FGF8: variants seen among roughly 807,000 people sequenced by gnomAD.
FGF8 encodes androgen-induced growth factor.
Under a neutral mutation model 29.7 loss-of-function variants are expected in FGF8, and 12 were observed. That is an observed-to-expected ratio of 0.40 (90% CI 0.26 to 0.65). FGF8 has a LOEUF of 0.65. Among genes scored for constraint, FGF8 ranks in the 30% least tolerant of loss-of-function variants. The pLI is 0.37. For missense variants in FGF8, 271 were observed against 345.1 expected (o/e 0.79, Z 1.70); for synonymous variants, 157 against 144.4 (o/e 1.09, Z -0.63).
rs776144287 is a variant in FGF8, at chr10:101,770,323, C to A, written c.*6G>T. On this transcript the variant is annotated 3_prime_UTR_variant, in exon 6 of 6. Transcript: ENST00000320185. ...GTCTGGCATTGTGGGGAGGGCCAGG[C>A]AGCACCTATCGGGGCTCGGGGGCCC... 1.3e-6 allele frequency: 2 copies of A among 1,585,976 alleles called. No homozygotes were observed. Among genetic ancestry groups the A allele is most frequent in the Non-Finnish European group, 8.6e-7 (1 of 1,167,106 alleles).
upstream of FGF8, chr10:101,776,178 C>A (rs1589814862): frequency 1.8e-5 from 1 of 55,748 alleles, no homozygotes; most frequent in African/African-American, 7.0e-5. Flanking sequence ...GGTGGGAGGG[C>A]GGGGAGGGGT....
In FGF8 at chr10:101,775,848, G is replaced by GGGGGGGGGGGGGGGGGC; in HGVS notation, c.32+20_32+21insGCCCCCCCCCCCCCCCC. On this transcript the variant is annotated intron_variant, in intron 1 of 5. Coordinates refer to ENST00000320185, the MANE Select transcript of FGF8 (RefSeq NM_033163.5). This position sits in a 1 kb window ranked among gnomAD's most constrained non-coding sequence, Gnocchi z 4.6. ...AGGGGCGCGGGGGGCGGGTGGCGGG[G>GGGGGGGGGGGGGGGGGC]CAGGGCGGCGCGGTACTCACAGGCA... 8.2e-7 allele frequency: 1 copy of GGGGGGGGGGGGGGGGGC among 1,218,724 alleles called. No homozygotes were observed. Among genetic ancestry groups the GGGGGGGGGGGGGGGGGC allele is most frequent in the Non-Finnish European group, 1.1e-6 (1 of 872,002 alleles). 75.5% of individuals were successfully genotyped at this position (1,218,724 alleles called of 1,614,324 possible).
At chr10:101,778,979 C>T (rs1052434536), upstream of FGF8, among the ~76,000 whole-genome samples, 1 of 152,154 alleles carries the variant, frequency 6.6e-6, no homozygotes, top group African/African-American at 2.4e-5. Context: ...CTTTCCTGGC[C>T]GCCCCCACAC....
Position 101,775,848 on chromosome 10 carries a change from G to GGC in FGF8, c.32+20_32+21insGC. The GGC allele has an allele frequency of 8.2e-7, 1 of 1,218,736 alleles. No individual in the cohort carries two copies. Among genetic ancestry groups the GGC allele is most frequent in the Admixed American group, 2.2e-5 (1 of 46,306 alleles). 75.5% of individuals were successfully genotyped at this position (1,218,736 alleles called of 1,614,324 possible). On this transcript the variant is annotated intron_variant, in intron 1 of 5. Coordinates refer to ENST00000320185, the MANE Select transcript of FGF8 (RefSeq NM_033163.5). This position sits in a 1 kb window ranked among gnomAD's most constrained non-coding sequence, Gnocchi z 4.6. ...AGGGGCGCGGGGGGCGGGTGGCGGG[G>GGC]CAGGGCGGCGCGGTACTCACAGGCA...
Position 101,775,769 on chromosome 10 carries a change from G to T in FGF8, c.40C>A (p.His14Asn), listed in dbSNP as rs137852659. 2.6e-6 allele frequency: 4 copies of T among 1,545,494 alleles called. No homozygotes were observed. Among genetic ancestry groups the T allele is most frequent in the Non-Finnish European group, 2.6e-6 (3 of 1,146,008 alleles). ...PRSALSCLLL[H>N]LLVLCLQAQE... is the part of the protein sequence containing the mutation. ...GCTTGGAGGCAGAGGACCAGCAAGT[G>T]CAACAGCCTGTGGGAGACAAAAGCG... Residue 14 changes from histidine (H) to asparagine (N), a missense_variant, in exon 2 of 6, where the codon CAC becomes AAC. Coordinates refer to ENST00000320185, the MANE Select transcript of FGF8 (RefSeq NM_033163.5). The surrounding 1 kb of genome is among the most constrained non-coding windows in gnomAD (Gnocchi z 4.6).
chr10:101,776,383 G>C (rs1193196788), upstream of FGF8, among the ~76,000 whole-genome samples: 1 of 151,096 alleles, frequency 6.6e-6, no homozygotes, highest in African/African-American at 2.4e-5. Context: ...GGAGGGGCGG[G>C]GGCGGCCGGT....
At chr10:101,778,841 C>T (rs2065117550), upstream of FGF8, among the ~76,000 whole-genome samples, 1 of 152,228 alleles carries the variant, frequency 6.6e-6, no homozygotes, top group East Asian at 1.9e-4. Flanking sequence ...CAGCTCCCTC[C>T]CTCCTTTATC....
intron 4 of FGF8, among the ~76,000 whole-genome samples, 200 bp downstream of exon 4, chr10:101,774,532 G>T (rs1266604742): frequency 6.6e-6 from 1 of 152,170 alleles, no homozygotes; most frequent in Non-Finnish European, 1.5e-5. Context: ...CATTTGCTGG[G>T]CAGGGAAGGG....
In FGF8 at chr10:101,775,103, C is replaced by G. The variant is rs1178702631; in HGVS notation, c.156+27G>C. The G allele has an allele frequency of 1.3e-6, 2 of 1,541,378 alleles. No individual in the cohort carries two copies. Among genetic ancestry groups the G allele is most frequent in the South Asian group, 1.2e-5 (1 of 83,904 alleles). On this transcript the variant is annotated intron_variant, in intron 3 of 5. Coordinates refer to ENST00000320185, the MANE Select transcript of FGF8 (RefSeq NM_033163.5). This position sits in a 1 kb window ranked among gnomAD's most constrained non-coding sequence, Gnocchi z 4.6. ...TCGGGCAGACCCAGCCCAGGATGAA[C>G]GAGCCCCAGGGAGAAGCTGGACCCA...
In FGF8 at chr10:101,771,401, G is replaced by A. The variant is rs2065023061; in HGVS notation, c.444+62C>T. 4 of 1,281,604 alleles carry A rather than the reference G, an allele frequency of 3.1e-6. No individual in the cohort carries two copies. The Admixed American group carries it at 6.7e-5, about 22-fold the overall frequency. 79.4% of individuals were successfully genotyped at this position (1,281,604 alleles called of 1,614,324 possible). On this transcript the variant is annotated intron_variant, in intron 5 of 5. Transcript: ENST00000320185. The surrounding 1 kb of genome is among the most constrained non-coding windows in gnomAD (Gnocchi z 5.3). Reference sequence around the variant, plus strand: ...CAGAGCCCAGGACTGTCTTGGAGGAGTCCAGCCAGCCCAAGCCACTCCCTA... The same window carrying A: ...CAGAGCCCAGGACTGTCTTGGAGGAATCCAGCCAGCCCAAGCCACTCCCTA...
chr10:101,771,451 C>T lies in FGF8; in HGVS notation c.444+12G>A. ...AGGTCCCGCGGACCCCACCTGCCTG[C>T]TGGGGCCTCACCTTGGCGATCAGCT... is the stretch of plus-strand genomic sequence containing the variant. On this transcript the variant is annotated intron_variant, in intron 5 of 5. Coordinates refer to ENST00000320185, the MANE Select transcript of FGF8 (RefSeq NM_033163.5). The surrounding 1 kb of genome is among the most constrained non-coding windows in gnomAD (Gnocchi z 5.3). 6.2e-7 allele frequency: 1 copy of T among 1,606,354 alleles called. No individual in the cohort carries two copies. The highest frequency in any genetic ancestry group is 1.1e-5 in the South Asian group (1 of 90,970).
Position 101,775,834 on chromosome 10 carries a change from G to A in FGF8, c.32+35C>T. The A allele has an allele frequency of 6.6e-7, 1 of 1,521,360 alleles. No homozygotes were observed. Among genetic ancestry groups the A allele is most frequent in the Non-Finnish European group, 8.8e-7 (1 of 1,137,504 alleles). The allele number at this position is 1,521,360 out of a possible 1,614,324, so 94.2% of individuals were successfully genotyped here. A position where few individuals can be genotyped will look rare whatever the true frequency, so the allele number is the denominator to read the frequency against. ...GCGCGGGTGAGGCGAGGGGCGCGGG[G>A]GGCGGGTGGCGGGGCAGGGCGGCGC... On this transcript the variant is annotated intron_variant, in intron 1 of 5. Coordinates refer to ENST00000320185, the MANE Select transcript of FGF8 (RefSeq NM_033163.5). This position sits in a 1 kb window ranked among gnomAD's most constrained non-coding sequence, Gnocchi z 4.6.
At chr10:101,777,176 C>T (rs1272498398), upstream of FGF8, among the ~76,000 whole-genome samples, 1 of 152,176 alleles carries the variant, frequency 6.6e-6, no homozygotes, top group Non-Finnish European at 1.5e-5. Context: ...CTTGTCTAAG[C>T]CTTTCCTAGC....
chr10:101,770,795 G>A (rs765450047), intron 5 of FGF8, among the ~76,000 whole-genome samples, 176 bp from the exon 6 acceptor site: 3 of 152,214 alleles, frequency 2.0e-5, no homozygotes, highest in Non-Finnish European at 4.4e-5. Context: ...AGCCCACCCG[G>A]CAACTTCCTG....
upstream of FGF8, among the ~76,000 whole-genome samples, chr10:101,777,572 C>T (rs1175583907): frequency 5.3e-5 from 8 of 152,182 alleles, no homozygotes; most frequent in East Asian, 7.7e-4. Flanking sequence ...TTAGAGGGTG[C>T]GTTCCAAGAT....
At position 101,770,260 on chromosome 10, in the gene FGF8, T is replaced by G; in HGVS notation, c.*69A>C. 2 of 1,452,462 alleles carry G rather than the reference T, an allele frequency of 1.4e-6. No homozygotes were observed. The highest frequency in any genetic ancestry group is 1.9e-6 in the Non-Finnish European group (2 of 1,077,600). 90.0% of individuals were successfully genotyped at this position (1,452,462 alleles called of 1,614,324 possible). A position where few individuals can be genotyped will look rare whatever the true frequency, so the allele number is the denominator to read the frequency against. ...CAGAGCAGCGCACAGCTCATCTTGCTTGAGTTTTGGGTGCCCTACAGGATG... is the reference window on the plus strand; with the variant it reads ...CAGAGCAGCGCACAGCTCATCTTGCGTGAGTTTTGGGTGCCCTACAGGATG... On this transcript the variant is annotated 3_prime_UTR_variant, in exon 6 of 6. Transcript: ENST00000320185.
At chr10:101,774,998 C>T in intron 3 of FGF8, 86 bp from the exon 4 acceptor site, 1 of 1,538,472 alleles carries the variant, frequency 6.5e-7, no homozygotes. Flanking sequence ...CTGCGTCCCC[C>T]TCACTGCCCC....
upstream of FGF8, among the ~76,000 whole-genome samples, chr10:101,777,675 C>T (rs2065110655): frequency 6.6e-6 from 1 of 152,270 alleles, no homozygotes; most frequent in African/African-American, 2.4e-5. Flanking sequence ...ACAGACCTTG[C>T]CCACAAGGAC....
chr10:101,775,910 C>A lies in FGF8; in HGVS notation c.-10G>T. The A allele has an allele frequency of 8.1e-7, 1 of 1,238,670 alleles. No homozygotes were observed. The highest frequency in any genetic ancestry group is 1.0e-6 in the Non-Finnish European group (1 of 996,376). 76.7% of individuals were successfully genotyped at this position (1,238,670 alleles called of 1,614,324 possible). A position where few individuals can be genotyped will look rare whatever the true frequency, so the allele number is the denominator to read the frequency against. ...AGCGGGGGCTGCCCATGGCGCGCGG[C>A]CCCGGGGCACCGAGAGCCCGGCGGG... is the stretch of plus-strand genomic sequence containing the variant. On this transcript the variant is annotated 5_prime_UTR_variant, in exon 1 of 6. Coordinates refer to ENST00000320185, the MANE Select transcript of FGF8 (RefSeq NM_033163.5). The surrounding 1 kb of genome is among the most constrained non-coding windows in gnomAD (Gnocchi z 4.6).
Sources: gnomAD v4.1 joint callset for allele counts (sites outside exome capture counted in the v4.1 genomes callset) on GRCh38, gnomAD v4.1.1 for gene constraint, Gnocchi (gnomAD v3.1) non-coding constraint, MANE v1.5 for transcripts, NCBI Gene and HGNC (gene_info 2026-07-23, HGNC 2026-07-21) for gene names.